The following MRPS28 variants were observed in gnomAD, a reference collection of about 807,000 sequenced individuals.
MRPS28 encodes the protein small ribosomal subunit protein bS1m.
Under a neutral mutation model 10.8 loss-of-function variants are expected in MRPS28, and 7 were observed. The observed-to-expected ratio is 0.65, with a 90% CI of 0.37 to 1.22. MRPS28 has a LOEUF of 1.22. MRPS28 is among the 50% of genes most tolerant of loss of function. The probability of loss-of-function intolerance (pLI) is 0.02; values close to 1 mark genes in which losing one functional copy is unlikely to be tolerated. For synonymous variants in MRPS28, 121 were observed against 93.3 expected (o/e 1.30, Z -1.71); for missense variants, 265 against 232.9 (o/e 1.14, Z -0.90).
At chr8:79,974,932 TA>T (rs1807752056) in intron 2 of MRPS28, among the ~76,000 whole-genome samples, 1 of 152,220 alleles carries the variant, frequency 6.6e-6, no homozygotes, top group African/African-American at 2.4e-5. Context: ...CATTTTTTAT[TA>T]TTATTACGGA....
chr8:79,949,745 T>C (rs1035963423), intron 2 of MRPS28, among the ~76,000 whole-genome samples: 4 of 152,144 alleles, frequency 2.6e-5, no homozygotes, highest in Admixed American at 2.6e-4. Flanking sequence ...GAAAAAGGAT[T>C]TGTCAATGAA....
At chr8:79,987,061 C>A (rs1192547055) in intron 2 of MRPS28, among the ~76,000 whole-genome samples, 1 of 151,900 alleles carries the variant, frequency 6.6e-6, no homozygotes, top group Non-Finnish European at 1.5e-5. Context: ...CAGCATGGTA[C>A]TGGTACCAAA....
intron 2 of MRPS28, among the ~76,000 whole-genome samples, chr8:79,939,943 C>A (rs1489269041): frequency 6.7e-6 from 1 of 149,410 alleles, no homozygotes; most frequent in East Asian, 2.0e-4. Flanking sequence ...GCACTCCAGC[C>A]TGGACAAGCG....
At chr8:79,955,818 T>C (rs866399238) in intron 2 of MRPS28, among the ~76,000 whole-genome samples, 54 of 152,238 alleles carry the variant, frequency 3.5e-4, no homozygotes, top group African/African-American at 1.1e-3. Context: ...ATGTGTAAAG[T>C]TGACATTCTA....
At chr8:80,001,394 CT>C (rs1391871973) in intron 2 of MRPS28, among the ~76,000 whole-genome samples, 1 of 152,230 alleles carries the variant, frequency 6.6e-6, no homozygotes, top group East Asian at 1.9e-4. Flanking sequence ...CACATATCTT[CT>C]TACTTGCCTC....
At chr8:80,021,006 C>CTT (rs372456678) in intron 1 of MRPS28, among the ~76,000 whole-genome samples, 37 of 143,186 alleles carry the variant, frequency 2.6e-4, no homozygotes, top group South Asian at 1.6e-3. Flanking sequence ...CACACACACA[C>CTT]TTTTTTTTTT....
chr8:80,000,596 T>TA (rs1163330774), intron 2 of MRPS28, among the ~76,000 whole-genome samples: 2 of 152,222 alleles, frequency 1.3e-5, no homozygotes, highest in Non-Finnish European at 2.9e-5. Flanking sequence ...TAGTTTTAAA[T>TA]AAAAAATTAA....
At chr8:79,957,495 A>AGT (rs1807251322) in intron 2 of MRPS28, 1 of 146,378 alleles carries the variant, frequency 6.8e-6, no homozygotes, top group Non-Finnish European at 1.5e-5. Flanking sequence ...GGTTCACTGG[A>AGT]GGCCATAAGT....
chr8:79,937,391 G>A (rs986562367), intron 2 of MRPS28, among the ~76,000 whole-genome samples: 5 of 152,156 alleles, frequency 3.3e-5, no homozygotes, highest in African/African-American at 9.7e-5. Flanking sequence ...TAATTTGAGC[G>A]ACTGGGGGCA....
At chr8:79,943,348 T>C (rs1806819653) in intron 2 of MRPS28, among the ~76,000 whole-genome samples, 1 of 152,234 alleles carries the variant, frequency 6.6e-6, no homozygotes, top group Non-Finnish European at 1.5e-5. Context: ...TAATACATTA[T>C]ATTTCCAAAT....
At chr8:79,966,808 A>G (rs1807513813) in intron 2 of MRPS28, among the ~76,000 whole-genome samples, 1 of 152,158 alleles carries the variant, frequency 6.6e-6, no homozygotes, top group African/African-American at 2.4e-5. Flanking sequence ...TGTATAAAAA[A>G]GTGACCAGTA....
At chr8:79,987,931 C>T (rs1433120686) in intron 2 of MRPS28, among the ~76,000 whole-genome samples, 3 of 152,058 alleles carry the variant, frequency 2.0e-5, no homozygotes, top group Non-Finnish European at 2.9e-5. Flanking sequence ...GGTATATACC[C>T]AAAGGACTAT....
intron 2 of MRPS28, among the ~76,000 whole-genome samples, chr8:79,973,994 C>T (rs1285218110): frequency 6.6e-6 from 1 of 152,064 alleles, no homozygotes; most frequent in Non-Finnish European, 1.5e-5. Context: ...TCAAATGATC[C>T]TCGGCCTCAC....
intron 1 of MRPS28, among the ~76,000 whole-genome samples, chr8:80,007,972 C>T (rs1038650333): frequency 2.0e-5 from 3 of 152,208 alleles, no homozygotes; most frequent in Admixed American, 6.5e-5. Context: ...CAAGTCAATC[C>T]TAAGCCAAAA....
intron 2 of MRPS28, among the ~76,000 whole-genome samples, chr8:79,939,784 C>A (rs7829055): frequency 0.063 from 9,569 of 152,010 alleles, 522 homozygotes; most frequent in African/African-American, 0.14. Flanking sequence ...TCCTAGCTAA[C>A]ATGGTGAAAC....
chr8:79,964,978 T>C (rs1478587927), intron 2 of MRPS28, among the ~76,000 whole-genome samples: 1 of 152,138 alleles, frequency 6.6e-6, no homozygotes, highest in Non-Finnish European at 1.5e-5. Flanking sequence ...CCAGAGGCTG[T>C]TTTTAGTGGT....
At chr8:79,976,511 T>C (rs1807804296) in intron 2 of MRPS28, among the ~76,000 whole-genome samples, 1 of 151,968 alleles carries the variant, frequency 6.6e-6, no homozygotes, top group Non-Finnish European at 1.5e-5. Context: ...TCAAGACCAG[T>C]CTGGGCAACA....
At chr8:79,948,786 C>A (rs975936921) in intron 2 of MRPS28, among the ~76,000 whole-genome samples, 1 of 151,922 alleles carries the variant, frequency 6.6e-6, no homozygotes, top group Non-Finnish European at 1.5e-5. Context: ...ACAAGTTAAA[C>A]CGAACTTACA....
chr8:79,990,455 CTAA>C (rs1368245221), intron 2 of MRPS28, among the ~76,000 whole-genome samples: 2 of 152,112 alleles, frequency 1.3e-5, no homozygotes, highest in Admixed American at 1.3e-4. Context: ...CACATCACTA[CTAA>C]TGTCAGCATA....
Sources: gnomAD v4.1 joint callset for allele counts (sites outside exome capture counted in the v4.1 genomes callset) on GRCh38, gnomAD v4.1.1 for gene constraint, MANE v1.5 for transcripts, NCBI Gene and HGNC (gene_info 2026-07-23, HGNC 2026-07-21) for gene names.